The following SKI variants were observed in gnomAD, a reference collection of about 807,000 sequenced individuals.
SKI encodes ski oncogene.
In SKI, 23 loss-of-function variants were observed where a neutral mutation model predicts 59.3. That is an observed-to-expected ratio of 0.39 (90% CI 0.28 to 0.55). The LOEUF (loss-of-function observed/expected upper bound fraction) is 0.55, where lower values mean the gene tolerates loss of function less well. Among genes scored for constraint, SKI ranks in the 20% least tolerant of loss-of-function variants. SKI has a pLI of 0.67. For synonymous variants in SKI, 673 were observed against 488.6 expected (o/e 1.38, Z -4.98); for missense variants, 1,017 against 1,038.9 (o/e 0.98, Z 0.29).
At chr1:2,301,602 G>A (rs1195990819) in intron 1 of SKI, among the ~76,000 whole-genome samples, 3 of 152,214 alleles carry the variant, frequency 2.0e-5, no homozygotes, top group Non-Finnish European at 2.9e-5. Flanking sequence ...TTGATGGACA[G>A]CCTGCCCTGC....
chr1:2,255,646 T>G (rs260508), intron 1 of SKI, among the ~76,000 whole-genome samples: 52,809 of 150,524 alleles, frequency 0.35, 9,373 homozygotes, highest in Admixed American at 0.45. Flanking sequence ...TGTCTGGAGC[T>G]CTCTCTGTCC....
intron 1 of SKI, among the ~76,000 whole-genome samples, chr1:2,250,125 C>G (rs544911369): frequency 6.6e-6 from 1 of 152,162 alleles, no homozygotes; most frequent in African/African-American, 2.4e-5. Flanking sequence ...AAGCTAGTCT[C>G]GAACTCCTGA....
chr1:2,245,788 CTT>C (rs766445644), intron 1 of SKI, among the ~76,000 whole-genome samples: 9 of 70,378 alleles, frequency 1.3e-4, no homozygotes, highest in African/African-American at 4.7e-4. Context: ...ATTTTTCCTT[CTT>C]TTTTTTTTTT....
At chr1:2,252,562 G>C (rs1639187757) in intron 1 of SKI, among the ~76,000 whole-genome samples, 1 of 152,054 alleles carries the variant, frequency 6.6e-6, no homozygotes, top group Non-Finnish European at 1.5e-5. Flanking sequence ...TGGCGGCCCA[G>C]CAGTCAGTGC....
chr1:2,272,837 C>A (rs1432536129), intron 1 of SKI, among the ~76,000 whole-genome samples: 10 of 152,024 alleles, frequency 6.6e-5, no homozygotes, highest in Admixed American at 6.5e-4. Flanking sequence ...CGAGCCTCCC[C>A]CTCCCACGCC....
rs773045410 is a variant in SKI at position 2,303,891 on chromosome 1, C to T, written c.1263C>T (p.Leu421=). The T allele has an allele frequency of 9.7e-5, 156 of 1,612,190 alleles. No individual in the cohort carries two copies. The highest frequency in any genetic ancestry group is 4.9e-4 in the Middle Eastern group (3 of 6,066). The part of the protein sequence containing the change: ...FETAVAPNVA[L]APPAQQKVVS... ...CAGCCGTGGCGCCCAACGTGGCCCT[C>T]GCACCGCCGGCCCAGCAGAAGGTTG... The change falls in exon 4 of 7, where the codon CTC becomes CTT. Residue 421 remains leucine (L), a synonymous_variant. Coordinates refer to ENST00000378536, the MANE Select transcript of SKI (RefSeq NM_003036.4). The surrounding 1 kb of genome is among the most constrained non-coding windows in gnomAD (Gnocchi z 5.6).
intron 1 of SKI, among the ~76,000 whole-genome samples, chr1:2,275,595 G>C (rs1639724467): frequency 6.6e-6 from 1 of 152,080 alleles, no homozygotes; most frequent in Admixed American, 6.5e-5. Context: ...CTCACTGCAA[G>C]CTCCGCTCCC....
Position 2,308,042 on chromosome 1 carries a change from G to A in SKI, c.*1277G>A, listed in dbSNP as rs1018514650. ...CCTTGCATTTATTCCAAATAATCTC[G>A]TTTACTCTCACCTGTTTATGCAAAT... On this transcript the variant is annotated 3_prime_UTR_variant, in exon 7 of 7. Transcript: ENST00000378536. The A allele has an allele frequency of 1.3e-5, 2 of 152,204 alleles. No homozygotes were observed. The highest frequency in any genetic ancestry group is 1.5e-5 in the Non-Finnish European group (1 of 68,018). The allele number at this position is 152,204 out of a possible 1,614,324, so 9.4% of individuals were successfully genotyped here.
intron 1 of SKI, among the ~76,000 whole-genome samples, chr1:2,238,529 C>G (rs768172909): frequency 5.3e-5 from 8 of 152,228 alleles, no homozygotes; most frequent in Non-Finnish European, 1.2e-4. Context: ...TGAGACTTCC[C>G]TCTGCAGAGG....
At chr1:2,276,665 C>T (rs1204725881) in intron 1 of SKI, among the ~76,000 whole-genome samples, 1 of 152,240 alleles carries the variant, frequency 6.6e-6, no homozygotes, top group East Asian at 1.9e-4. Flanking sequence ...CAGCGCTAGG[C>T]CTGCTTTAGG....
At chr1:2,277,855 A>C (rs1639779257) in intron 1 of SKI, among the ~76,000 whole-genome samples, 1 of 137,508 alleles carries the variant, frequency 7.3e-6, no homozygotes, top group African/African-American at 2.9e-5. Flanking sequence ...CGACGGACAT[A>C]CGTGCACACA....
At chr1:2,245,788 C>CTTCT (rs1638981144) in intron 1 of SKI, among the ~76,000 whole-genome samples, 2 of 70,366 alleles carry the variant, frequency 2.8e-5, no homozygotes, top group Non-Finnish European at 5.1e-5. Flanking sequence ...ATTTTTCCTT[C>CTTCT]TTTTTTTTTT....
intron 1 of SKI, among the ~76,000 whole-genome samples, chr1:2,244,200 G>A (rs564906480): frequency 1.2e-4 from 18 of 152,100 alleles, no homozygotes; most frequent in Admixed American, 6.5e-4. Flanking sequence ...TCCTGACCTC[G>A]TGATCCGCCT....
At chr1:2,255,965 G>A (rs1160347606) in intron 1 of SKI, among the ~76,000 whole-genome samples, 5 of 150,376 alleles carry the variant, frequency 3.3e-5, no homozygotes, top group Non-Finnish European at 5.9e-5. Flanking sequence ...CTCATTTCCT[G>A]TCTGTGCCAC....
At chr1:2,230,798 A>T (rs753260725) in intron 1 of SKI, among the ~76,000 whole-genome samples, 8 of 152,232 alleles carry the variant, frequency 5.3e-5, no homozygotes, top group Non-Finnish European at 1.0e-4. Flanking sequence ...GGCCTAATTA[A>T]TTCAGCTATT....
rs930911381 is a variant in SKI, at chr1:2,307,825, C to T, written c.*1060C>T. 10 of 152,450 alleles carry T rather than the reference C, an allele frequency of 6.6e-5. No individual in the cohort carries two copies. The highest frequency in any genetic ancestry group is 1.0e-4 in the Non-Finnish European group (7 of 68,036). 9.4% of individuals were successfully genotyped at this position (152,450 alleles called of 1,614,324 possible). On this transcript the variant is annotated 3_prime_UTR_variant, in exon 7 of 7. Coordinates refer to ENST00000378536, the MANE Select transcript of SKI (RefSeq NM_003036.4). ...ATAGAGCAGTCAAATCCGAAGTGCTCGAGTGCTTAGAAACCCCCTCTGGTG... is the reference window on the plus strand; with the variant it reads ...ATAGAGCAGTCAAATCCGAAGTGCTTGAGTGCTTAGAAACCCCCTCTGGTG...
At chr1:2,266,369 C>T (rs1044164005) in intron 1 of SKI, among the ~76,000 whole-genome samples, 5 of 152,194 alleles carry the variant, frequency 3.3e-5, no homozygotes, top group Non-Finnish European at 7.3e-5. Context: ...GTGCTCCCTT[C>T]TCTGCTGCTC....
At chr1:2,294,264 C>A (rs1640234404) in intron 1 of SKI, among the ~76,000 whole-genome samples, 1 of 152,234 alleles carries the variant, frequency 6.6e-6, no homozygotes, top group African/African-American at 2.4e-5. Flanking sequence ...TAAGGCAGGC[C>A]TGATGCCGGG....
chr1:2,288,987 G>A (rs929877197), intron 1 of SKI, among the ~76,000 whole-genome samples: 4 of 152,198 alleles, frequency 2.6e-5, no homozygotes, highest in Admixed American at 6.5e-5. Context: ...GGTCCCCGGT[G>A]CCGCCTGGTT....
Sources: gnomAD v4.1 joint callset for allele counts (sites outside exome capture counted in the v4.1 genomes callset) on GRCh38, gnomAD v4.1.1 for gene constraint, Gnocchi (gnomAD v3.1) non-coding constraint, MANE v1.5 for transcripts, NCBI Gene and HGNC (gene_info 2026-07-23, HGNC 2026-07-21) for gene names.